The following TMEM117 variants were observed in gnomAD, a reference collection of about 807,000 sequenced individuals.
TMEM117 encodes the protein transmembrane protein 117.
A neutral mutation model predicts 52.4 loss-of-function variants in TMEM117; 27 were observed. The ratio of observed to expected loss-of-function variants is 0.51; its 90% CI spans 0.38 to 0.71. TMEM117 has a LOEUF of 0.71. Among genes scored for constraint, TMEM117 ranks in the 30% least tolerant of loss-of-function variants. The probability of loss-of-function intolerance (pLI) is 0.00; values close to 1 mark genes in which losing one functional copy is unlikely to be tolerated. For synonymous variants in TMEM117, 215 were observed against 206.3 expected (o/e 1.04, Z -0.36); for missense variants, 556 against 630.5 (o/e 0.88, Z 1.26).
At chr12:43,850,504 C>T (rs937402885) in intron 2 of TMEM117, among the ~76,000 whole-genome samples, 12 of 152,064 alleles carry the variant, frequency 7.9e-5, no homozygotes, top group African/African-American at 2.2e-4. Context: ...TGTTTTTTTG[C>T]GTATGTGCTC....
intron 6 of TMEM117, among the ~76,000 whole-genome samples, chr12:44,364,237 T>C (rs1951761007): frequency 6.6e-6 from 1 of 152,130 alleles, no homozygotes; most frequent in Non-Finnish European, 1.5e-5. Flanking sequence ...AGTCTCTCTG[T>C]GCATTAAAAG....
intron 5 of TMEM117, among the ~76,000 whole-genome samples, chr12:44,215,977 A>AG (rs1205604146): frequency 6.6e-6 from 1 of 150,766 alleles, no homozygotes; most frequent in East Asian, 1.9e-4. Flanking sequence ...ATGCACTGAA[A>AG]GGAGCTCCTT....
At chr12:44,030,068 A>C (rs1177558851) in intron 3 of TMEM117, among the ~76,000 whole-genome samples, 2 of 152,218 alleles carry the variant, frequency 1.3e-5, no homozygotes, top group Non-Finnish European at 2.9e-5. Context: ...ATTGGCTTAA[A>C]AATAAGAGCT....
Position 44,281,594 on chromosome 12 carries a change from C to A in TMEM117, c.609-17986C>A, listed in dbSNP as rs186120422. On this transcript the variant is annotated intron_variant, in intron 5 of 7. Transcript: ENST00000266534. Reference sequence around the variant, plus strand: ...ATAAAACATGCTTTTGTCCTGTTCACTGCCATTTGACAGCATCCCACTTTT... The same window carrying A: ...ATAAAACATGCTTTTGTCCTGTTCAATGCCATTTGACAGCATCCCACTTTT... 7.2e-5 allele frequency among the ~76,000 whole-genome samples: 11 copies of A among 152,302 alleles called. No individual in the cohort carries two copies. The East Asian group carries it at 2.1e-3, about 29-fold the overall frequency.
chr12:43,995,842 G>A lies in TMEM117; in HGVS notation c.410+51500G>A, dbSNP rs192906792. Among the ~76,000 whole-genome samples the A allele has an allele frequency of 2.3e-3, 344 of 152,226 alleles. 1 individual carries two copies. The highest frequency in any genetic ancestry group is 4.2e-3 in the African/African-American group (176 of 41,528). On this transcript the variant is annotated intron_variant, in intron 3 of 7. Transcript: ENST00000266534. ...TTTCCAGATTATAAAATTAACAACT[G>A]ATGTGATTTTAATGAATCATCTCTG... is the stretch of plus-strand genomic sequence containing the variant.
chr12:43,819,674 C>T, the TMEM117 span, among the ~76,000 whole-genome samples: 1 of 151,942 alleles, frequency 6.6e-6, no homozygotes, highest in Non-Finnish European at 1.5e-5. Context: ...TCTTCTTGAG[C>T]CTGAGGCAGG....
intron 2 of TMEM117, among the ~76,000 whole-genome samples, chr12:43,875,574 TA>T (rs1240438104): frequency 6.6e-6 from 1 of 152,236 alleles, no homozygotes; most frequent in Non-Finnish European, 1.5e-5. Context: ...GTTTCTCTCA[TA>T]AATTCATTTC....
intron 2 of TMEM117, among the ~76,000 whole-genome samples, chr12:43,877,728 A>G (rs1943824709): frequency 2.6e-5 from 4 of 152,138 alleles, no homozygotes; most frequent in African/African-American, 4.8e-5. Context: ...GAATGACCAC[A>G]TATAAGAAAA....
chr12:44,338,426 A>G (rs1175973997), intron 6 of TMEM117, among the ~76,000 whole-genome samples: 7 of 152,092 alleles, frequency 4.6e-5, no homozygotes, highest in Admixed American at 6.6e-5. Flanking sequence ...GGTATAGGTA[A>G]TACACTGCAT....
chr12:43,911,726 G>C (rs1468521311), intron 2 of TMEM117, among the ~76,000 whole-genome samples: 1 of 144,782 alleles, frequency 6.9e-6, no homozygotes, highest in Admixed American at 7.0e-5. Context: ...CATTTATGCA[G>C]CCAAAAAACA....
intron 2 of TMEM117, among the ~76,000 whole-genome samples, chr12:43,937,464 C>T (rs1373946050): frequency 1.3e-5 from 2 of 152,138 alleles, no homozygotes; most frequent in African/African-American, 4.8e-5. Flanking sequence ...AGCTGTACAT[C>T]AGAGTTGGGT....
intron 2 of TMEM117, among the ~76,000 whole-genome samples, chr12:43,914,530 C>T (rs1048524995): frequency 2.0e-5 from 3 of 152,160 alleles, no homozygotes; most frequent in African/African-American, 7.2e-5. Context: ...CAGGCCCTGC[C>T]AATGGAGCTT....
intron 3 of TMEM117, among the ~76,000 whole-genome samples, chr12:44,095,941 A>T (rs1947752534): frequency 6.6e-6 from 1 of 152,192 alleles, no homozygotes; most frequent in South Asian, 2.1e-4. Flanking sequence ...CTGTTTGTAG[A>T]CGACATGATT....
intron 3 of TMEM117, among the ~76,000 whole-genome samples, chr12:44,130,318 A>G (rs983504038): frequency 1.1e-4 from 17 of 152,300 alleles, no homozygotes; most frequent in African/African-American, 3.8e-4. Context: ...TCAAAGGAGT[A>G]TTGTCAGGAT....
chr12:44,039,634 T>C (rs1398256372), intron 3 of TMEM117, among the ~76,000 whole-genome samples: 2 of 151,966 alleles, frequency 1.3e-5, no homozygotes, highest in African/African-American at 4.8e-5. Flanking sequence ...TTCCCCAAAT[T>C]TGAAATATTT....
chr12:44,034,790 C>T (rs1330758276), intron 3 of TMEM117, among the ~76,000 whole-genome samples: 1 of 152,078 alleles, frequency 6.6e-6, no homozygotes, highest in Admixed American at 6.5e-5. Context: ...ATAGGATGCC[C>T]AGATTAATTA....
intron 2 of TMEM117, 172 bp downstream of exon 2, chr12:43,845,100 G>C (rs7965635): frequency 1.5e-6 from 1 of 669,284 alleles, no homozygotes; most frequent in Non-Finnish European, 2.4e-6. Flanking sequence ...TCTGTTAATG[G>C]TTTACTTTTC....
intron 3 of TMEM117, among the ~76,000 whole-genome samples, chr12:44,079,997 G>A (rs1412517157): frequency 6.7e-5 from 9 of 133,480 alleles, no homozygotes; most frequent in Admixed American, 5.8e-4. Context: ...CAGCCTGGGC[G>A]ACAGAGTAAC....
intron 2 of TMEM117, among the ~76,000 whole-genome samples, chr12:43,896,056 G>A (rs1193813829): frequency 2.0e-5 from 3 of 152,148 alleles, no homozygotes; most frequent in Non-Finnish European, 4.4e-5. Flanking sequence ...TGACTCAAAT[G>A]TCAGTCTCCT....
Sources: gnomAD v4.1 joint callset for allele counts (sites outside exome capture counted in the v4.1 genomes callset) on GRCh38, gnomAD v4.1.1 for gene constraint, MANE v1.5 for transcripts, NCBI Gene and HGNC (gene_info 2026-07-23, HGNC 2026-07-21) for gene names.